STXBP4: variants seen among roughly 807,000 people sequenced by gnomAD.
The protein encoded by STXBP4 is syntaxin-binding protein 4.
A neutral mutation model predicts 76.1 loss-of-function variants in STXBP4; 55 were observed. The observed-to-expected ratio is 0.72, with a 90% CI of 0.58 to 0.91. The LOEUF (loss-of-function observed/expected upper bound fraction) is 0.91, where lower values mean the gene tolerates loss of function less well. STXBP4 is among the 40% of genes least tolerant of loss of function. The pLI, the probability that STXBP4 is intolerant of heterozygous loss-of-function variation, is 0.00. For synonymous variants in STXBP4, 201 were observed against 220.2 expected, an observed-to-expected ratio of 0.91 and a Z score of 0.77; for missense variants, 618 against 636.9, an observed-to-expected ratio of 0.97 and a Z score of 0.32.
intron 16 of STXBP4, among the ~76,000 whole-genome samples, chr17:55,128,459 C>T (rs919387175): frequency 1.3e-5 from 2 of 152,154 alleles, no homozygotes; most frequent in African/African-American, 2.4e-5. Context: ...TTGAGTCTAC[C>T]ACCCCCAAAC....
chr17:55,020,880 T>C (rs901966260), intron 8 of STXBP4, among the ~76,000 whole-genome samples: 4 of 152,210 alleles, frequency 2.6e-5, no homozygotes, highest in African/African-American at 9.6e-5. Context: ...ATTTTATCTT[T>C]GCGAATTTTG....
At chr17:55,195,788 G>T in the STXBP4 span, among the ~76,000 whole-genome samples, 3 of 152,080 alleles carry the variant, frequency 2.0e-5, no homozygotes, top group Non-Finnish European at 2.9e-5. Context: ...GAGGGCAGGG[G>T]GTATGTCTTA....
intron 16 of STXBP4, among the ~76,000 whole-genome samples, chr17:55,122,861 T>C (rs1164968300): frequency 6.6e-6 from 1 of 152,176 alleles, no homozygotes; most frequent in Non-Finnish European, 1.5e-5. Context: ...AATAAAGTTT[T>C]GAGTTACAAG....
intron 16 of STXBP4, among the ~76,000 whole-genome samples, chr17:55,119,495 T>G (rs954186741): frequency 1.3e-5 from 2 of 152,038 alleles, no homozygotes; most frequent in African/African-American, 4.8e-5. Context: ...AAACCCCATC[T>G]GGAAATGAGA....
At chr17:55,177,049 T>C (rs1161462107), downstream of STXBP4, among the ~76,000 whole-genome samples, 1 of 152,104 alleles carries the variant, frequency 6.6e-6, no homozygotes, top group Non-Finnish European at 1.5e-5. Flanking sequence ...CTTTCCTGGT[T>C]CTCCAGCTTA....
chr17:55,142,884 C>G (rs1380483682), intron 17 of STXBP4, among the ~76,000 whole-genome samples: 1 of 152,158 alleles, frequency 6.6e-6, no homozygotes, highest in Non-Finnish European at 1.5e-5. Context: ...TAGTGCCACA[C>G]TCTTTACTTC....
intron 16 of STXBP4, among the ~76,000 whole-genome samples, chr17:55,133,407 G>A (rs918734294): frequency 1.3e-5 from 2 of 152,112 alleles, no homozygotes; most frequent in Non-Finnish European, 2.9e-5. Context: ...GATAGAGGAA[G>A]AGAGGGCATG....
intron 16 of STXBP4, among the ~76,000 whole-genome samples, chr17:55,136,164 A>G (rs966357640): frequency 2.6e-5 from 4 of 152,196 alleles, no homozygotes; most frequent in Admixed American, 2.6e-4. Context: ...AGAAAGCACT[A>G]TGTAAACATC....
intron 1 of STXBP4, among the ~76,000 whole-genome samples, chr17:54,983,549 G>A (rs2077579722): frequency 6.6e-6 from 1 of 151,938 alleles, no homozygotes; most frequent in African/African-American, 2.4e-5. Context: ...TAAGAGGTTA[G>A]GCAATTTTTC....
At chr17:55,191,271 A>G in the STXBP4 span, among the ~76,000 whole-genome samples, 298 of 152,254 alleles carry the variant, frequency 2.0e-3, no homozygotes, top group African/African-American at 6.5e-3. Flanking sequence ...AGGGCTTCTC[A>G]AACTACAATG....
chr17:55,095,919 G>A (rs955807058), intron 16 of STXBP4, among the ~76,000 whole-genome samples: 5 of 152,136 alleles, frequency 3.3e-5, no homozygotes, highest in Admixed American at 1.3e-4. Flanking sequence ...AAGACATGAT[G>A]TCACAATTGA....
chr17:54,991,816 ATAAT>A (rs1317910486), intron 4 of STXBP4: 1 of 151,016 alleles, frequency 6.6e-6, no homozygotes. Context: ...AATTATATTA[ATAAT>A]TAAGAATTAA....
At chr17:55,113,739 T>C (rs998593196) in intron 16 of STXBP4, among the ~76,000 whole-genome samples, 5 of 152,128 alleles carry the variant, frequency 3.3e-5, no homozygotes, top group Admixed American at 2.0e-4. Flanking sequence ...GCAATCGTCA[T>C]TTACATTTTG....
At chr17:55,021,801 GA>G (rs1006055964) in intron 8 of STXBP4, among the ~76,000 whole-genome samples, 1 of 151,546 alleles carries the variant, frequency 6.6e-6, no homozygotes, top group Admixed American at 6.6e-5. Context: ...TTATTTTTTA[GA>G]AAAAAATGAG....
chr17:55,193,305 C>G, the STXBP4 span, among the ~76,000 whole-genome samples: 1 of 152,108 alleles, frequency 6.6e-6, no homozygotes, highest in African/African-American at 2.4e-5. Flanking sequence ...GAAAGGACCA[C>G]ATGCAAGGGA....
the STXBP4 span, among the ~76,000 whole-genome samples, chr17:55,196,028 T>C: frequency 6.6e-6 from 1 of 152,114 alleles, no homozygotes; most frequent in South Asian, 2.1e-4. Flanking sequence ...TGGCACATAG[T>C]AGGTGTTTGA....
In STXBP4 at chr17:55,163,007, C is replaced by T. The variant is rs2080350211; in HGVS notation, c.*3096C>T. 1 of 152,174 alleles carries T rather than the reference C, an allele frequency of 6.6e-6. No individual in the cohort carries two copies. Among genetic ancestry groups the T allele is most frequent in the Non-Finnish European group, 1.5e-5 (1 of 68,024 alleles). The allele number at this position is 152,174 out of a possible 1,614,324, so 9.4% of individuals were successfully genotyped here. On this transcript the variant is annotated 3_prime_UTR_variant, in exon 18 of 18. Transcript: ENST00000376352. Reference sequence around the variant, plus strand: ...ATCCTTTTCCTCATGTATCTTTGCACTCTTGTGCTAGTATGTCTATAGTGT... The same window carrying T: ...ATCCTTTTCCTCATGTATCTTTGCATTCTTGTGCTAGTATGTCTATAGTGT...
chr17:55,158,091 G>C lies in STXBP4; in HGVS notation c.1548-1706G>C, dbSNP rs546802028. ...AATTGATTGATGATTGATTGAGACA[G>C]GGTCTTGTTCTGTCACCCAGGCTGG... On this transcript the variant is annotated intron_variant, in intron 17 of 17. Transcript: ENST00000376352. 3.9e-5 allele frequency among the ~76,000 whole-genome samples: 6 copies of C among 152,226 alleles called. No individual in the cohort carries two copies. In the East Asian group the frequency reaches 9.6e-4, roughly 24 times the overall value.
At chr17:55,187,806 T>A in the STXBP4 span, among the ~76,000 whole-genome samples, 1 of 152,116 alleles carries the variant, frequency 6.6e-6, no homozygotes, top group African/African-American at 2.4e-5. Flanking sequence ...ATGAAAGCAC[T>A]CAGAGAAATA....
Sources: gnomAD v4.1 joint callset for allele counts (sites outside exome capture counted in the v4.1 genomes callset) on GRCh38, gnomAD v4.1.1 for gene constraint, MANE v1.5 for transcripts, NCBI Gene and HGNC (gene_info 2026-07-23, HGNC 2026-07-21) for gene names.